LPA: variants seen among roughly 807,000 people sequenced by gnomAD.
The protein encoded by LPA is apolipoprotein(a).
In LPA, 199 loss-of-function variants were observed where a neutral mutation model predicts 197.9. That is an observed-to-expected ratio of 1.01 (90% confidence interval 0.90 to 1.13). LPA has a LOEUF of 1.13. Among genes scored for constraint, LPA ranks in the 50% most tolerant of loss-of-function variants. The probability of loss-of-function intolerance (pLI) is 0.00; values close to 1 mark genes in which losing one functional copy is unlikely to be tolerated. For missense variants in LPA, 1,853 were observed against 1,785.8 expected (o/e 1.04, Z -0.68); for synonymous variants, 715 against 639.5 (o/e 1.12, Z -1.78).
At chr6:160,586,753 C>G (rs935288136) in intron 24 of LPA, 123 bp from the exon 25 acceptor site, 19 of 1,319,272 alleles carry the variant, frequency 1.4e-5, no homozygotes, top group Non-Finnish European at 1.9e-5. Flanking sequence ...TCACTAAAGT[C>G]CCATAACACT....
rs1779010022 is a variant in LPA, at chr6:160,590,799, G to A, written c.3787+145C>T. 5.3e-5 allele frequency: 60 copies of A among 1,133,702 alleles called. 2 individuals carry two copies. The South Asian group carries it at 8.1e-4, about 15-fold the overall frequency. The allele number at this position is 1,133,702 out of a possible 1,614,324, so 70.2% of individuals were successfully genotyped here. ...CTCAGCCCTGGTTCCCCCAGAGAAG[G>A]CGCTGAGGCTTCCTTCCCATTGGCT... On this transcript the variant is annotated intron_variant, in intron 23 of 38. Coordinates refer to ENST00000316300, the MANE Select transcript of LPA (RefSeq NM_005577.4).
intron 2 of LPA, among the ~76,000 whole-genome samples, chr6:160,648,610 G>T (rs956690564): frequency 1.2e-4 from 18 of 151,918 alleles, no homozygotes; most frequent in Admixed American, 3.3e-4. Context: ...GTATGCATGC[G>T]TGTGTTTTGT....
At chr6:160,608,870 T>G (rs1307487826) in intron 16 of LPA, among the ~76,000 whole-genome samples, 1 of 151,764 alleles carries the variant, frequency 6.6e-6, no homozygotes, top group East Asian at 1.9e-4. Context: ...CGTGGGTGTG[T>G]ATGGGTGTGT....
At chr6:160,579,235 C>T (rs556123092) in intron 26 of LPA, among the ~76,000 whole-genome samples, 1 of 151,976 alleles carries the variant, frequency 6.6e-6, no homozygotes, top group East Asian at 1.9e-4. Context: ...CATAGTGTAG[C>T]ATAAATGCTC....
chr6:160,584,524 GT>G (rs2115037771), intron 26 of LPA, among the ~76,000 whole-genome samples: 1 of 151,730 alleles, frequency 6.6e-6, no homozygotes, highest in African/African-American at 2.4e-5. Flanking sequence ...TAGAGATGGG[GT>G]TTTGCCATGT....
At chr6:160,576,810 C>T (rs955244398) in intron 28 of LPA, among the ~76,000 whole-genome samples, 2 of 149,800 alleles carry the variant, frequency 1.3e-5, no homozygotes, top group African/African-American at 4.9e-5. Context: ...CAGAATTGCA[C>T]GAGTGAAAGA....
chr6:160,549,294 C>T (rs1353443599), intron 30 of LPA, among the ~76,000 whole-genome samples: 1 of 152,188 alleles, frequency 6.6e-6, no homozygotes, highest in Non-Finnish European at 1.5e-5. Flanking sequence ...CATATAAAAA[C>T]TGAGATCATA....
At chr6:160,657,416 T>TA (rs1780150863) in intron 1 of LPA, among the ~76,000 whole-genome samples, 1 of 143,382 alleles carries the variant, frequency 7.0e-6, no homozygotes, top group Non-Finnish European at 1.5e-5. Flanking sequence ...TTTTTTTTTT[T>TA]GGAAATGGAG....
At chr6:160,564,197 T>A (rs1353830031) in intron 28 of LPA, among the ~76,000 whole-genome samples, 1 of 152,224 alleles carries the variant, frequency 6.6e-6, no homozygotes, top group Non-Finnish European at 1.5e-5. Flanking sequence ...TTGCAGTAGC[T>A]GTTACTGGTT....
At chr6:160,583,089 C>T (rs895464043) in intron 26 of LPA, among the ~76,000 whole-genome samples, 17 of 152,118 alleles carry the variant, frequency 1.1e-4, no homozygotes, top group African/African-American at 3.4e-4. Flanking sequence ...TTCTTGTCCA[C>T]GCTTTCTTTA....
chr6:160,547,915 T>C lies in LPA; in HGVS notation c.5178A>G (p.Lys1726=). ...SEQDCMFGNG[K]GYRGKKATTV... is the part of the protein sequence containing the mutation. ...TGGTTGCCTTCTTGCCCCGGTATCC[T>C]TTCCCATTCCCAAACATACAGTCTG... Residue 1726 remains lysine (K), a synonymous_variant, in exon 32 of 39, where the codon AAA becomes AAG. Transcript: ENST00000316300. 1 of 1,614,022 alleles carries C rather than the reference T, an allele frequency of 6.2e-7. No individual in the cohort carries two copies. Among genetic ancestry groups the C allele is most frequent in the Non-Finnish European group, 8.5e-7 (1 of 1,180,000 alleles).
intron 16 of LPA, among the ~76,000 whole-genome samples, chr6:160,611,106 A>G (rs1185108949): frequency 6.6e-6 from 1 of 152,130 alleles, no homozygotes; most frequent in African/African-American, 2.4e-5. Context: ...CTATTGGAAT[A>G]CAGGTAGAAA....
At chr6:160,593,918 G>A (rs376760747) in intron 22 of LPA, 40 bp downstream of exon 22, 8 of 1,610,654 alleles carry the variant, frequency 5.0e-6, no homozygotes, top group Non-Finnish European at 5.9e-6. Flanking sequence ...GAAATGTAAG[G>A]GGGCTGCTGT....
chr6:160,569,921 A>G, intron 28 of LPA, among the ~76,000 whole-genome samples: 1 of 149,554 alleles, frequency 6.7e-6, no homozygotes, highest in East Asian at 1.9e-4. Context: ...AATGCAAATC[A>G]AAACCACAAT....
At chr6:160,660,055 C>T (rs530347239) in intron 1 of LPA, among the ~76,000 whole-genome samples, 91 of 102,018 alleles carry the variant, frequency 8.9e-4, no homozygotes, top group Non-Finnish European at 1.6e-3. Context: ...ATTAAGAATA[C>T]AAGAAGTACA....
chr6:160,568,403 A>G (rs769646397), intron 28 of LPA, among the ~76,000 whole-genome samples: 194 of 152,372 alleles, frequency 1.3e-3, no homozygotes, highest in Non-Finnish European at 2.3e-3. Context: ...GATTATCTCA[A>G]TAGATGCAGA....
chr6:160,577,118 T>C lies in LPA; in HGVS notation c.4631+18A>G, dbSNP rs1364033074. ...GAGTTGGCTGTTGCTCCTCTTATGG[T>C]TTTAATCAAATACATACGCATTTGG... On this transcript the variant is annotated intron_variant, in intron 28 of 38. Transcript: ENST00000316300. 1.2e-6 allele frequency: 2 copies of C among 1,612,290 alleles called. No individual in the cohort carries two copies. The highest frequency in any genetic ancestry group is 8.5e-7 in the Non-Finnish European group (1 of 1,179,404).
intron 7 of LPA, among the ~76,000 whole-genome samples, chr6:160,634,354 T>G (rs1205175482): frequency 9.9e-6 from 1 of 101,330 alleles, no homozygotes; most frequent in Non-Finnish European, 2.0e-5. Context: ...AGCCAAGGCC[T>G]CTGGCTTCCA....
At chr6:160,588,132 C>T (rs1482181975) in intron 24 of LPA, among the ~76,000 whole-genome samples, 2 of 152,016 alleles carry the variant, frequency 1.3e-5, no homozygotes, top group Admixed American at 6.6e-5. Flanking sequence ...GATTTTTTCT[C>T]CCAGTTATGT....
Sources: allele counts gnomAD v4.1 joint callset (sites outside exome capture counted in the v4.1 genomes callset), GRCh38; gene constraint gnomAD v4.1.1; transcripts MANE v1.5; gene names NCBI Gene and HGNC (gene_info 2026-07-23, HGNC 2026-07-21).